Variants in L3MBTL4 observed in about 807,000 individuals in gnomAD.
L3MBTL4 encodes the protein lethal(3)malignant brain tumor-like protein 4.
A neutral mutation model predicts 84.5 loss-of-function variants in L3MBTL4; 70 were observed. The ratio of observed to expected loss-of-function variants is 0.83; its 90% CI spans 0.68 to 1.01. The LOEUF (loss-of-function observed/expected upper bound fraction) is 1.01, where lower values mean the gene tolerates loss of function less well. Ranked by LOEUF, L3MBTL4 falls within the 50% of genes least tolerant of loss-of-function variation. The pLI is 0.00. For synonymous variants in L3MBTL4, 274 were observed against 259.8 expected (o/e 1.05, Z -0.52); for missense variants, 715 against 754.8 (o/e 0.95, Z 0.62).
rs148834400 is a variant in L3MBTL4 at position 6,198,753 on chromosome 18, G to C, written c.981+14396C>G. 4.5e-3 allele frequency among the ~76,000 whole-genome samples: 686 copies of C among 152,300 alleles called. 4 individuals are homozygous for C. Among genetic ancestry groups the C allele is most frequent in the African/African-American group, 0.016 (646 of 41,566 alleles). On this transcript the variant is annotated intron_variant, in intron 12 of 18. Transcript: ENST00000317931. ...GGGACAGTGTAATCACTGTCTAACT[G>C]ACAAGGAATTTAAGTGTTGACAGTG...
intron 16 of L3MBTL4, among the ~76,000 whole-genome samples, chr18:6,011,329 T>G (rs2054726260): frequency 6.6e-6 from 1 of 151,858 alleles, no homozygotes; most frequent in Non-Finnish European, 1.5e-5. Flanking sequence ...AAAAAAAGGA[T>G]CAAGAGATAA....
intron 15 of L3MBTL4, among the ~76,000 whole-genome samples, chr18:6,088,221 CCTTAGCAAGGATAGGACTGGACTGGA>C (rs1252479998): frequency 4.6e-5 from 7 of 152,056 alleles, no homozygotes; most frequent in Non-Finnish European, 8.8e-5. Context: ...ATAGGACTGG[CCTTAGCAAGGATAGGACTGGACTGGA>C]CTTAGCAAGG....
chr18:6,259,365 C>T (rs776205416), intron 5 of L3MBTL4: 1 of 152,176 alleles, frequency 6.6e-6, no homozygotes. Context: ...TTCTCTGCAG[C>T]CTTGCAAGTA....
At chr18:6,155,008 C>A (rs1236784296) in intron 13 of L3MBTL4, among the ~76,000 whole-genome samples, 1 of 152,152 alleles carries the variant, frequency 6.6e-6, no homozygotes, top group African/African-American at 2.4e-5. Context: ...AGTATAAAAA[C>A]TTCCATAACC....
Position 5,987,851 on chromosome 18 carries a change from T to A in L3MBTL4, c.1445-18289A>T, listed in dbSNP as rs9948352. 9.8e-3 allele frequency among the ~76,000 whole-genome samples: 1,484 copies of A among 152,160 alleles called. 32 individuals are homozygous for A. Among genetic ancestry groups the A allele is most frequent in the African/African-American group, 0.034 (1,408 of 41,438 alleles). ...TTCTCTGGCAAGAGATTGCTTGCTG[T>A]CTTTGCATGTAGTTTCATTTCAGGA... On this transcript the variant is annotated intron_variant, in intron 16 of 18. Transcript: ENST00000317931.
intron 1 of L3MBTL4, among the ~76,000 whole-genome samples, chr18:6,324,909 C>T (rs569784260): frequency 6.6e-6 from 1 of 152,242 alleles, no homozygotes; most frequent in East Asian, 1.9e-4. Flanking sequence ...TGAAAAGTTG[C>T]TTAACTTCAT....
chr18:5,956,097 C>A lies in L3MBTL4; in HGVS notation c.*123G>T. The A allele has an allele frequency of 1.2e-6, 1 of 844,860 alleles. No homozygotes were observed. Among genetic ancestry groups the A allele is most frequent in the Non-Finnish European group, 1.9e-6 (1 of 529,528 alleles). The allele number at this position is 844,860 out of a possible 1,614,324, so 52.3% of individuals were successfully genotyped here. A position where few individuals can be genotyped will look rare whatever the true frequency, so the allele number is the denominator to read the frequency against. ...TAAACATGTAAACAAATCACAGACA[C>A]TTTAAAAAGTCCAGATTCAGTGTGG... On this transcript the variant is annotated 3_prime_UTR_variant, in exon 19 of 19. Coordinates refer to ENST00000317931, the MANE Select transcript of L3MBTL4 (RefSeq NM_001330559.2).
At chr18:6,217,166 A>G (rs2046361241) in intron 10 of L3MBTL4, among the ~76,000 whole-genome samples, 1 of 152,136 alleles carries the variant, frequency 6.6e-6, no homozygotes, top group South Asian at 2.1e-4. Flanking sequence ...ACACAAATCA[A>G]GTGGATAGAC....
At chr18:6,189,127 G>C (rs571993276) in intron 12 of L3MBTL4, among the ~76,000 whole-genome samples, 1 of 152,134 alleles carries the variant, frequency 6.6e-6, no homozygotes, top group Admixed American at 6.5e-5. Context: ...GCTGCAGGTG[G>C]TTTCCTGGCT....
Position 5,956,012 on chromosome 18 carries a change from A to G in L3MBTL4, c.*208T>C. On this transcript the variant is annotated 3_prime_UTR_variant, in exon 19 of 19. Coordinates refer to ENST00000317931, the MANE Select transcript of L3MBTL4 (RefSeq NM_001330559.2). ...CAAAGATAACAATGTTCGTAAACCA[A>G]ACCCACAGATGGGCCTAAGCCTCTG... 3 of 503,420 alleles carry G rather than the reference A, an allele frequency of 6.0e-6. No individual in the cohort carries two copies. The highest frequency in any genetic ancestry group is 7.0e-6 in the Non-Finnish European group (2 of 287,396). The allele number at this position is 503,420 out of a possible 1,614,324, so 31.2% of individuals were successfully genotyped here. A position where few individuals can be genotyped will look rare whatever the true frequency, so the allele number is the denominator to read the frequency against.
At chr18:6,389,343 T>C (rs2054949743) in intron 1 of L3MBTL4, among the ~76,000 whole-genome samples, 1 of 152,166 alleles carries the variant, frequency 6.6e-6, no homozygotes, top group African/African-American at 2.4e-5. Context: ...ATAGAACCTC[T>C]TGAAAGCATA....
chr18:6,195,352 C>A (rs768044475), intron 12 of L3MBTL4, among the ~76,000 whole-genome samples: 1 of 152,178 alleles, frequency 6.6e-6, no homozygotes, highest in African/African-American at 2.4e-5. Flanking sequence ...TACCCTGTGC[C>A]CCTGCACTCT....
In L3MBTL4 at chr18:5,956,182, C is replaced by T. The variant is rs765460340; in HGVS notation, c.*38G>A. 2.6e-6 allele frequency: 4 copies of T among 1,566,316 alleles called. No individual in the cohort carries two copies. Among genetic ancestry groups the T allele is most frequent in the Middle Eastern group, 2.1e-4 (1 of 4,730 alleles). ...TGCTCCACTTTTATTGCTGAAAGAG[C>T]GCAGGTCTTGGTGCCAGAGGAAGTT... On this transcript the variant is annotated 3_prime_UTR_variant, in exon 19 of 19. Coordinates refer to ENST00000317931, the MANE Select transcript of L3MBTL4 (RefSeq NM_001330559.2).
intron 16 of L3MBTL4, among the ~76,000 whole-genome samples, chr18:6,001,252 T>C (rs2054199531): frequency 6.6e-6 from 1 of 152,226 alleles, no homozygotes; most frequent in South Asian, 2.1e-4. Flanking sequence ...GTGAAGATAA[T>C]TGCCTTAAAA....
At chr18:6,067,818 T>A (rs904377445) in intron 16 of L3MBTL4, among the ~76,000 whole-genome samples, 3 of 152,182 alleles carry the variant, frequency 2.0e-5, no homozygotes, top group Admixed American at 6.5e-5. Context: ...TTTGGATCCA[T>A]TGCTGAAAGC....
At chr18:6,232,894 T>A (rs1474331860) in intron 10 of L3MBTL4, among the ~76,000 whole-genome samples, 2 of 151,972 alleles carry the variant, frequency 1.3e-5, no homozygotes, top group South Asian at 2.1e-4. Flanking sequence ...AAGGATTTCC[T>A]CCCGATCATT....
intron 16 of L3MBTL4, among the ~76,000 whole-genome samples, chr18:6,001,030 A>G (rs1169932331): frequency 1.3e-5 from 2 of 152,222 alleles, no homozygotes; most frequent in Admixed American, 6.5e-5. Context: ...TTAGAACAGT[A>G]GCAACTACTC....
chr18:6,329,151 C>CTTTTTT (rs992694853), intron 1 of L3MBTL4, among the ~76,000 whole-genome samples: 82 of 126,516 alleles, frequency 6.5e-4, no homozygotes, highest in Non-Finnish European at 9.0e-4. Context: ...TTTTTCTTTT[C>CTTTTTT]TTTTTTTTTT....
At chr18:6,184,838 A>G (rs2044645538) in intron 12 of L3MBTL4, among the ~76,000 whole-genome samples, 2 of 152,236 alleles carry the variant, frequency 1.3e-5, no homozygotes, top group Admixed American at 6.5e-5. Flanking sequence ...AACCAAACCC[A>G]TGTTTAGAGT....
Sources: gnomAD v4.1 joint callset for allele counts (sites outside exome capture counted in the v4.1 genomes callset) on GRCh38, gnomAD v4.1.1 for gene constraint, MANE v1.5 for transcripts, NCBI Gene and HGNC (gene_info 2026-07-23, HGNC 2026-07-21) for gene names.